The following ACSS3 variants were observed in gnomAD, a reference collection of about 807,000 sequenced individuals.
ACSS3 encodes acyl-CoA synthetase short chain family member 3, also known as acyl-CoA synthetase short-chain family member 3, mitochondrial.
In ACSS3, 64 loss-of-function variants were observed where a neutral mutation model predicts 84.2. The observed-to-expected ratio is 0.76, with a 90% CI of 0.62 to 0.94. The LOEUF (loss-of-function observed/expected upper bound fraction) is 0.94. ACSS3 is among the 40% of genes least tolerant of loss of function. The probability of loss-of-function intolerance (pLI) is 0.00; values close to 1 mark genes in which losing one functional copy is unlikely to be tolerated. For synonymous variants in ACSS3, 317 were observed against 310.1 expected (o/e 1.02, Z -0.23); for missense variants, 815 against 867.6 (o/e 0.94, Z 0.76).
chr12:81,179,305 A>T (rs867408508), intron 8 of ACSS3, among the ~76,000 whole-genome samples: 1 of 52,196 alleles, frequency 1.9e-5, no homozygotes, highest in East Asian at 3.2e-4. Flanking sequence ...AGAAAAAAAA[A>T]ACACAAAAAA....
chr12:81,095,358 T>A lies in ACSS3; in HGVS notation c.312-14202T>A, dbSNP rs61934900. 3.6e-3 allele frequency among the ~76,000 whole-genome samples: 548 copies of A among 152,356 alleles called. 2 individuals carry two copies. Among genetic ancestry groups the A allele is most frequent in the Middle Eastern group, 6.8e-3 (2 of 294 alleles). ...TTATTAGCACTGTATTTGAATTTAA[T>A]ATACTTATGCTTTGAAACCTAAATG... On this transcript the variant is annotated intron_variant, in intron 1 of 15. Coordinates refer to ENST00000548058, the MANE Select transcript of ACSS3 (RefSeq NM_024560.4).
intron 5 of ACSS3, among the ~76,000 whole-genome samples, chr12:81,148,009 A>AAT (rs35810499): frequency 0.089 from 13,365 of 150,932 alleles, 1,289 homozygotes; most frequent in African/African-American, 0.25. Flanking sequence ...TACATATGTA[A>AAT]ATATATATAT....
chr12:81,139,525 A>T (rs1885975136), intron 4 of ACSS3, among the ~76,000 whole-genome samples: 1 of 151,076 alleles, frequency 6.6e-6, no homozygotes, highest in Non-Finnish European at 1.5e-5. Flanking sequence ...GTTTTTTATT[A>T]GCTCAGATTA....
intron 8 of ACSS3, among the ~76,000 whole-genome samples, chr12:81,189,234 G>T (rs1373015963): frequency 6.6e-6 from 1 of 152,072 alleles, no homozygotes; most frequent in Admixed American, 6.6e-5. Flanking sequence ...GTGCTGTTGA[G>T]CATATATAAC....
intron 7 of ACSS3, among the ~76,000 whole-genome samples, chr12:81,152,460 T>C (rs925146130): frequency 6.6e-6 from 1 of 152,186 alleles, no homozygotes; most frequent in Admixed American, 6.5e-5. Flanking sequence ...GATTAATGGA[T>C]TTCCAAAGTC....
At chr12:81,179,745 C>T (rs2030789723) in intron 8 of ACSS3, among the ~76,000 whole-genome samples, 1 of 131,022 alleles carries the variant, frequency 7.6e-6, no homozygotes, top group African/African-American at 2.9e-5. Flanking sequence ...CACTCCAGCA[C>T]TCCAGCCTGG....
chr12:81,245,314 T>C (rs918699270), intron 13 of ACSS3, among the ~76,000 whole-genome samples: 1 of 151,976 alleles, frequency 6.6e-6, no homozygotes, highest in Non-Finnish European at 1.5e-5. Context: ...TACAAAAAAT[T>C]AGCCAGGCGT....
intron 8 of ACSS3, among the ~76,000 whole-genome samples, chr12:81,189,416 C>G (rs2135867126): frequency 6.6e-6 from 1 of 152,162 alleles, no homozygotes; most frequent in Middle Eastern, 3.4e-3. Context: ...GTAGTGATAT[C>G]TCATTATCAT....
intron 8 of ACSS3, among the ~76,000 whole-genome samples, chr12:81,178,461 T>A (rs1270099484): frequency 8.1e-6 from 1 of 123,146 alleles, no homozygotes; most frequent in Non-Finnish European, 1.9e-5. Context: ...ACTTAAAGTA[T>A]AATAATAATA....
At chr12:81,178,588 G>A (rs1241932184) in intron 8 of ACSS3, among the ~76,000 whole-genome samples, 1 of 151,948 alleles carries the variant, frequency 6.6e-6, no homozygotes, top group Non-Finnish European at 1.5e-5. Context: ...TACACCTACA[G>A]GTAGGTGAAA....
intron 2 of ACSS3, among the ~76,000 whole-genome samples, chr12:81,122,463 T>A (rs984938151): frequency 2.0e-5 from 3 of 152,142 alleles, no homozygotes. Flanking sequence ...CAGACAACAG[T>A]GACAATTTTA....
chr12:81,147,773 T>C (rs1886410480), intron 5 of ACSS3, among the ~76,000 whole-genome samples: 2 of 152,134 alleles, frequency 1.3e-5, no homozygotes, highest in Non-Finnish European at 2.9e-5. Context: ...TTTTTTTCTC[T>C]GACGCCTGCC....
At chr12:81,094,157 C>CCTCT (rs1197848879) in intron 1 of ACSS3, among the ~76,000 whole-genome samples, 1 of 131,586 alleles carries the variant, frequency 7.6e-6, no homozygotes. Flanking sequence ...ATTTTTTTTT[C>CCTCT]CTCTCTCTCT....
At chr12:81,079,776 T>G (rs1232129945) in intron 1 of ACSS3, among the ~76,000 whole-genome samples, 1 of 152,236 alleles carries the variant, frequency 6.6e-6, no homozygotes, top group African/African-American at 2.4e-5. Context: ...TCACAGTTAC[T>G]GACTGTGTGT....
At chr12:81,079,685 ACCTAGTC>A (rs529404620) in intron 1 of ACSS3, among the ~76,000 whole-genome samples, 62 of 152,218 alleles carry the variant, frequency 4.1e-4, no homozygotes, top group African/African-American at 1.5e-3. Context: ...AATGAGTAAA[ACCTAGTC>A]CCTGCTTTCT....
intron 1 of ACSS3, among the ~76,000 whole-genome samples, chr12:81,082,225 T>C (rs1881025921): frequency 6.6e-6 from 1 of 152,204 alleles, no homozygotes; most frequent in Non-Finnish European, 1.5e-5. Context: ...TCTCCTTCCT[T>C]GCCTTTTGGA....
chr12:81,081,009 TCTC>T (rs1368989713), intron 1 of ACSS3, among the ~76,000 whole-genome samples: 2 of 152,164 alleles, frequency 1.3e-5, no homozygotes, highest in African/African-American at 4.8e-5. Flanking sequence ...CTAATTGTTC[TCTC>T]CTCTGTGGAG....
At position 81,105,421 on chromosome 12, in the gene ACSS3, GA is replaced by G. The variant is rs531277304; in HGVS notation, c.312-4131del. ...AAAGAATCAATTGAACTGGAGCAGA[GA>G]AAAAAAAGTAAAATCATCTATAAAT... On this transcript the variant is annotated intron_variant, in intron 1 of 15. Coordinates refer to ENST00000548058, the MANE Select transcript of ACSS3 (RefSeq NM_024560.4). Among the ~76,000 whole-genome samples, 32 of 151,946 alleles carry G rather than the reference GA, an allele frequency of 2.1e-4. No individual in the cohort carries two copies. The East Asian group carries it at 6.0e-3, about 28-fold the overall frequency.
At chr12:81,207,030 G>A (rs983263863) in intron 9 of ACSS3, among the ~76,000 whole-genome samples, 18 of 152,216 alleles carry the variant, frequency 1.2e-4, no homozygotes, top group Middle Eastern at 6.8e-3. Flanking sequence ...TATTATATCA[G>A]TGACAATGCT....
Sources: allele counts gnomAD v4.1 joint callset (sites outside exome capture counted in the v4.1 genomes callset), GRCh38; gene constraint gnomAD v4.1.1; transcripts MANE v1.5; gene names NCBI Gene and HGNC (gene_info 2026-07-23, HGNC 2026-07-21).